Variants in SLC8A1 observed in about 807,000 individuals in gnomAD.
The protein encoded by SLC8A1 is sodium/calcium exchanger 1.
In SLC8A1, 18 loss-of-function variants were observed where a neutral mutation model predicts 68.3. The ratio of observed to expected loss-of-function variants is 0.26; its 90% CI spans 0.18 to 0.39. The LOEUF (loss-of-function observed/expected upper bound fraction) is 0.39, where lower values mean the gene tolerates loss of function less well. SLC8A1 is among the 10% of genes least tolerant of loss of function. The pLI, the probability that SLC8A1 is intolerant of heterozygous loss-of-function variation, is 1.00. For synonymous variants in SLC8A1, 475 were observed against 415.5 expected (o/e 1.14, Z -1.74); for missense variants, 985 against 1,156.7 (o/e 0.85, Z 2.15).
chr2:40,412,371 G>T (rs1380883274), intron 2 of SLC8A1, among the ~76,000 whole-genome samples: 1 of 151,810 alleles, frequency 6.6e-6, no homozygotes, highest in Non-Finnish European at 1.5e-5. Flanking sequence ...TTACATAGAG[G>T]GATATTACAT....
At chr2:40,432,397 G>A (rs1234859363) in intron 1 of SLC8A1, among the ~76,000 whole-genome samples, 2 of 115,510 alleles carry the variant, frequency 1.7e-5, no homozygotes, top group African/African-American at 4.7e-5. Context: ...AGGAGAGTGT[G>A]AGATTGTGTG....
intron 1 of SLC8A1, among the ~76,000 whole-genome samples, chr2:40,457,796 T>G (rs994000821): frequency 6.6e-6 from 1 of 152,212 alleles, no homozygotes; most frequent in African/African-American, 2.4e-5. Flanking sequence ...GGATAAATTG[T>G]TTGTATAGAC....
chr2:40,330,232 T>A (rs997941945), intron 2 of SLC8A1, among the ~76,000 whole-genome samples: 2 of 152,164 alleles, frequency 1.3e-5, no homozygotes, highest in African/African-American at 4.8e-5. Context: ...AGAGGCAGGA[T>A]GATAGTATAT....
At chr2:40,196,548 C>T (rs531659350) in intron 2 of SLC8A1, among the ~76,000 whole-genome samples, 2 of 151,842 alleles carry the variant, frequency 1.3e-5, no homozygotes, top group African/African-American at 2.4e-5. Context: ...CCTCTGCATG[C>T]GTAGATGAAA....
At chr2:40,376,410 G>T (rs1215574123) in intron 2 of SLC8A1, among the ~76,000 whole-genome samples, 2 of 152,076 alleles carry the variant, frequency 1.3e-5, no homozygotes, top group Non-Finnish European at 2.9e-5. Flanking sequence ...ATAAAAGCAA[G>T]TCTCAGACTA....
chr2:40,398,814 T>A (rs1417371611), intron 2 of SLC8A1, among the ~76,000 whole-genome samples: 1 of 152,196 alleles, frequency 6.6e-6, no homozygotes, highest in Non-Finnish European at 1.5e-5. Context: ...TTACAGCTCT[T>A]CTTCAACTGC....
chr2:40,262,183 G>A lies in SLC8A1; in HGVS notation c.1809-84328C>T, dbSNP rs556805544. Among the ~76,000 whole-genome samples, 9 of 152,104 alleles carry A rather than the reference G, an allele frequency of 5.9e-5. No individual in the cohort carries two copies. In the South Asian group the frequency reaches 1.9e-3, roughly 32 times the overall value. The stretch of plus-strand genomic sequence containing the variant: ...TCACCATGTTGGCCAGGATGGTCTC[G>A]ATCTCCTGACCTTGTGATCCGCCCA... On this transcript the variant is annotated intron_variant, in intron 2 of 7. Transcript: ENST00000406785.
intron 2 of SLC8A1, among the ~76,000 whole-genome samples, chr2:40,200,249 T>TATAC: frequency 3.7e-5 from 1 of 26,992 alleles, no homozygotes; most frequent in East Asian, 6.8e-4. Flanking sequence ...AATATATATA[T>TATAC]ATATATATAT....
Position 40,427,518 on chromosome 2 carries a change from TC to T in SLC8A1, c.1808+954del, listed in dbSNP as rs1402410467. ...TCCCTCCCTCTCTCCCTCCCTCCTTTCCCCCCAGAAATTGTTCATAGAGTCA... is the reference window on the plus strand; with the variant it reads ...TCCCTCCCTCTCTCCCTCCCTCCTTTCCCCCAGAAATTGTTCATAGAGTCA... On this transcript the variant is annotated intron_variant, in intron 2 of 7. Coordinates refer to ENST00000406785, the Ensembl canonical transcript of SLC8A1. Among the ~76,000 whole-genome samples, 5 of 151,868 alleles carry T rather than the reference TC, an allele frequency of 3.3e-5. No homozygotes were observed. In the East Asian group the frequency reaches 9.7e-4, roughly 29 times the overall value.
chr2:40,471,030 G>C (rs1465370045), intron 1 of SLC8A1, among the ~76,000 whole-genome samples: 1 of 152,156 alleles, frequency 6.6e-6, no homozygotes, highest in East Asian at 1.9e-4. Context: ...AAAATGGGAA[G>C]ACTTGCTGCT....
chr2:40,239,001 A>G (rs2060836134), intron 2 of SLC8A1, among the ~76,000 whole-genome samples: 1 of 152,054 alleles, frequency 6.6e-6, no homozygotes, highest in African/African-American at 2.4e-5. Context: ...ATACAATTCT[A>G]TTATTGAGGC....
chr2:40,308,334 C>A (rs1234303043), intron 2 of SLC8A1, among the ~76,000 whole-genome samples: 3 of 152,130 alleles, frequency 2.0e-5, no homozygotes, highest in Non-Finnish European at 4.4e-5. Context: ...CTGGGTTATC[C>A]TGGGCAAAAC....
At chr2:40,360,296 T>C (rs1375978538) in intron 2 of SLC8A1, among the ~76,000 whole-genome samples, 1 of 152,208 alleles carries the variant, frequency 6.6e-6, no homozygotes, top group Non-Finnish European at 1.5e-5. Context: ...CCAACCTTGC[T>C]TATCTAAATT....
chr2:40,347,766 G>A (rs1669806034), intron 2 of SLC8A1, among the ~76,000 whole-genome samples: 2 of 152,098 alleles, frequency 1.3e-5, no homozygotes, highest in African/African-American at 4.8e-5. Context: ...AAGTTTTAAT[G>A]ACCAACAAAA....
chr2:40,472,563 C>G (rs994339067), intron 1 of SLC8A1, among the ~76,000 whole-genome samples: 2 of 152,082 alleles, frequency 1.3e-5, no homozygotes, highest in African/African-American at 4.8e-5. Context: ...CAAGGGCTTA[C>G]TATGTGCCCA....
At chr2:40,308,550 A>C (rs573148327) in intron 2 of SLC8A1, among the ~76,000 whole-genome samples, 35 of 152,236 alleles carry the variant, frequency 2.3e-4, no homozygotes, top group African/African-American at 7.9e-4. Flanking sequence ...CTCTTAAGTG[A>C]TGTTTAAGGC....
chr2:40,152,463 G>T (rs2148387800), intron 6 of SLC8A1, among the ~76,000 whole-genome samples: 1 of 152,240 alleles, frequency 6.6e-6, no homozygotes, highest in East Asian at 1.9e-4. Context: ...GGAGTGCAGT[G>T]GCATGATTTC....
chr2:40,150,986 T>G (rs1037001613), intron 6 of SLC8A1, among the ~76,000 whole-genome samples: 2 of 152,180 alleles, frequency 1.3e-5, no homozygotes, highest in African/African-American at 2.4e-5. Flanking sequence ...ATAGTTTATA[T>G]CTGGAACTTA....
intron 2 of SLC8A1, among the ~76,000 whole-genome samples, chr2:40,296,697 T>C (rs1431377085): frequency 6.6e-6 from 1 of 152,244 alleles, no homozygotes; most frequent in Non-Finnish European, 1.5e-5. Context: ...CTATATTTTA[T>C]GTTTACTCTT....
Sources: allele counts gnomAD v4.1 joint callset (sites outside exome capture counted in the v4.1 genomes callset), GRCh38; gene constraint gnomAD v4.1.1; transcripts MANE v1.5; gene names NCBI Gene and HGNC (gene_info 2026-07-23, HGNC 2026-07-21).